The following POGZ variants were observed in gnomAD, a reference collection of about 807,000 sequenced individuals.
The protein encoded by POGZ is pogo transposable element with ZNF domain.
In POGZ, 17 loss-of-function variants were observed where a neutral mutation model predicts 134.6. The ratio of observed to expected loss-of-function variants is 0.13; its 90% CI spans 0.09 to 0.19. The LOEUF (loss-of-function observed/expected upper bound fraction) is 0.19, where lower values mean the gene tolerates loss of function less well. Among genes scored for constraint, POGZ ranks in the 10% least tolerant of loss-of-function variants. POGZ has a pLI of 1.00. For missense variants in POGZ, 1,306 were observed against 1,769.7 expected (o/e 0.74, Z 4.70); for synonymous variants, 693 against 657.1 (o/e 1.05, Z -0.84).
intron 12 of POGZ, 152 bp downstream of exon 12, chr1:151,411,473 A>G: frequency 5.2e-6 from 3 of 573,502 alleles, no homozygotes; most frequent in Non-Finnish European, 6.2e-6. Flanking sequence ...AGACTAGTAC[A>G]TGGCACATTA....
At position 151,430,806 on chromosome 1, in the gene POGZ, G is replaced by A. The variant is rs998675361; in HGVS notation, c.319C>T (p.Leu107Phe). ...NPLVQQGGQPLILTQNPAPGL... is the reference protein window; with the variant it reads ...NPLVQQGGQPFILTQNPAPGL... ...GGGGCTGGATTCTGGGTCAGGATGA[G>A]TGGCTGTCCACCTTGCTGGACCAAA... The change falls in exon 4 of 19, where the codon CTC becomes TTC. Residue 107 changes from leucine to phenylalanine, a missense_variant. Leu to Phe is a conservative substitution (Grantham distance 22). Around this residue, in one of 10 missense-constraint regions of POGZ, gnomAD observed 541 missense variants for 680.5 expected, o/e 0.80. Coordinates refer to ENST00000271715, the MANE Select transcript of POGZ (RefSeq NM_015100.4). 1.9e-6 allele frequency: 3 copies of A among 1,588,270 alleles called. No homozygotes were observed. The highest frequency in any genetic ancestry group is 8.5e-7 in the Non-Finnish European group (1 of 1,170,356).
intron 5 of POGZ, among the ~76,000 whole-genome samples, chr1:151,428,931 G>C (rs1658228036): frequency 6.6e-6 from 1 of 152,086 alleles, no homozygotes; most frequent in Admixed American, 6.5e-5. Context: ...GCCAGGGTAA[G>C]CTGGTCAGAC....
chr1:151,449,805 A>G (rs1372900915), intron 1 of POGZ, among the ~76,000 whole-genome samples: 1 of 152,128 alleles, frequency 6.6e-6, no homozygotes, highest in Admixed American at 6.5e-5. Context: ...CTGGGGCAGG[A>G]GAATGGCATG....
chr1:151,441,432 A>G (rs558539245), intron 2 of POGZ, among the ~76,000 whole-genome samples: 3 of 152,300 alleles, frequency 2.0e-5, no homozygotes, highest in African/African-American at 7.2e-5. Context: ...AAGCCATCCA[A>G]AAGACCCTGA....
chr1:151,438,638 G>A (rs910317594), intron 3 of POGZ, among the ~76,000 whole-genome samples: 1 of 152,174 alleles, frequency 6.6e-6, no homozygotes, highest in Non-Finnish European at 1.5e-5. Flanking sequence ...AGCACTTTGG[G>A]AGGCCAAGGA....
chr1:151,458,407 G>A (rs915193421), intron 1 of POGZ, among the ~76,000 whole-genome samples: 5 of 152,058 alleles, frequency 3.3e-5, no homozygotes, highest in African/African-American at 9.7e-5. Flanking sequence ...GGGACCGAGG[G>A]AGGAGACTTC....
chr1:151,449,835 G>A (rs1186897428), intron 1 of POGZ, among the ~76,000 whole-genome samples: 1 of 152,172 alleles, frequency 6.6e-6, no homozygotes, highest in Non-Finnish European at 1.5e-5. Context: ...GATGCAGCTT[G>A]CAGACTGCAC....
chr1:151,437,764 G>A (rs977497271), intron 3 of POGZ, among the ~76,000 whole-genome samples: 5 of 151,804 alleles, frequency 3.3e-5, no homozygotes, highest in African/African-American at 9.7e-5. Flanking sequence ...AAAAACAAAC[G>A]TTATTCTCAT....
rs561912387 is a variant in POGZ, at chr1:151,414,221, T to C, written c.1679-1825A>G. On this transcript the variant is annotated intron_variant, in intron 10 of 18. Transcript: ENST00000271715. ...CAAGTAGGTATGAAAGTTAACCACA[T>C]GTTTGGGAAACAGTTAACTAGCAAC... 4.6e-5 allele frequency among the ~76,000 whole-genome samples: 7 copies of C among 152,132 alleles called. No homozygotes were observed. In the South Asian group the frequency reaches 1.5e-3, roughly 32 times the overall value.
intron 17 of POGZ, 80 bp downstream of exon 17, chr1:151,406,831 G>A (rs376530534): frequency 2.4e-5 from 27 of 1,109,640 alleles, no homozygotes; most frequent in Middle Eastern, 2.0e-4. Flanking sequence ...GGCCAAGTAG[G>A]TATGCTCCTG....
chr1:151,408,328 G>A, intron 14 of POGZ, 81 bp downstream of exon 14: 5 of 1,568,674 alleles, frequency 3.2e-6, no homozygotes, highest in South Asian at 1.2e-5. Flanking sequence ...CTGCTAAAAA[G>A]CTACCAGATT....
intron 1 of POGZ, among the ~76,000 whole-genome samples, chr1:151,458,690 C>G (rs909969268): frequency 2.1e-5 from 3 of 145,152 alleles, no homozygotes; most frequent in African/African-American, 7.4e-5. Context: ...GCCCGCGCCC[C>G]CGCCCCCGCC....
intron 8 of POGZ, 53 bp downstream of exon 8, chr1:151,424,902 T>C (rs1335494280): frequency 2.3e-6 from 2 of 876,744 alleles, no homozygotes; most frequent in Admixed American, 2.0e-5. Context: ...CCAATATTAA[T>C]GAAGGTAAAT....
intron 15 of POGZ, among the ~76,000 whole-genome samples, chr1:151,407,793 T>C (rs1207797005): frequency 4.6e-5 from 7 of 151,984 alleles, no homozygotes; most frequent in Non-Finnish European, 8.8e-5. Flanking sequence ...GTGGATCACC[T>C]GAGCTCAGGA....
Position 151,405,911 on chromosome 1 carries a change from G to C in POGZ, c.3124C>G (p.Gln1042Glu), listed in dbSNP as rs1411399067. 6.2e-7 allele frequency: 1 copy of C among 1,614,166 alleles called. No individual in the cohort carries two copies. The highest frequency in any genetic ancestry group is 8.5e-7 in the Non-Finnish European group (1 of 1,180,024). The change falls in exon 19 of 19, where the codon CAG becomes GAG. Residue 1042 changes from glutamine to glutamate, a missense_variant. Around this residue, in one of 10 missense-constraint regions of POGZ, gnomAD observed 24 missense variants for 69.6 expected, o/e 0.34. Transcript: ENST00000271715. This position sits in a 1 kb window ranked among gnomAD's most constrained non-coding sequence, Gnocchi z 4.9. ...AAGGTCTCCTCATTTACAGGTAGCT[G>C]TTGTTCGCGCTGGGTTAGCACCCAC... ...AEWVLTQREQ[Q>E]LPVNEETLFQ... is the part of the protein sequence containing the mutation.
chr1:151,437,734 G>T (rs556968539), intron 3 of POGZ, among the ~76,000 whole-genome samples: 58 of 151,858 alleles, frequency 3.8e-4, no homozygotes, highest in Middle Eastern at 3.4e-3. Flanking sequence ...CCTGGGTGAT[G>T]GAGTAAGACT....
chr1:151,427,556 A>G (rs1657982515), intron 7 of POGZ: 3 of 395,006 alleles, frequency 7.6e-6, no homozygotes, highest in South Asian at 2.8e-5. Context: ...CATCTCTTCC[A>G]TGAAGTTATC....
intron 10 of POGZ, 67 bp from the exon 11 acceptor site, chr1:151,412,463 C>CT: frequency 1.2e-6 from 1 of 845,606 alleles, no homozygotes; most frequent in Non-Finnish European, 2.0e-6. Context: ...GACTCACAAT[C>CT]TTTATTTTCT....
intron 1 of POGZ, among the ~76,000 whole-genome samples, chr1:151,444,782 T>G (rs1661033930): frequency 6.6e-6 from 1 of 152,214 alleles, no homozygotes; most frequent in South Asian, 2.1e-4. Flanking sequence ...ATATTGAAAT[T>G]TCTTCCATTT....
Sources: allele counts gnomAD v4.1 joint callset (sites outside exome capture counted in the v4.1 genomes callset), GRCh38; gene constraint gnomAD v4.1.1; regional missense constraint gnomAD v4.1.1; non-coding constraint Gnocchi (gnomAD v3.1); transcripts MANE v1.5; gene names NCBI Gene and HGNC (gene_info 2026-07-23, HGNC 2026-07-21).